Variants in INF2 observed in about 807,000 individuals in gnomAD.
INF2 encodes the protein inverted formin-2.
In INF2, 43 loss-of-function variants were observed where a neutral mutation model predicts 123.5. The observed-to-expected ratio is 0.35, with a 90% CI of 0.27 to 0.45. INF2 has a LOEUF of 0.45. Ranked by LOEUF, INF2 falls within the 20% of genes least tolerant of loss-of-function variation. The pLI is 1.00. For synonymous variants in INF2, 851 were observed against 745.0 expected (o/e 1.14, Z -2.32); for missense variants, 1,453 against 1,682.7 (o/e 0.86, Z 2.39).
intron 2 of INF2, 94 bp downstream of exon 2, chr14:104,701,850 C>T (rs1351680659): frequency 1.5e-6 from 2 of 1,351,182 alleles, no homozygotes; most frequent in Admixed American, 2.9e-5. Context: ...TGGGGAACCA[C>T]CAGGAGGAAG....
At chr14:104,693,712 C>T (rs908029546) in intron 1 of INF2, among the ~76,000 whole-genome samples, 5 of 152,222 alleles carry the variant, frequency 3.3e-5, no homozygotes, top group South Asian at 2.1e-4. Flanking sequence ...TCCTGGCCCT[C>T]GCCGGGTCGG....
At position 104,713,306 on chromosome 14, in the gene INF2, C is replaced by T. The variant is rs369417066; in HGVS notation, c.2875C>T (p.Pro959Ser). 65 of 1,550,644 alleles carry T rather than the reference C, an allele frequency of 4.2e-5. No individual in the cohort carries two copies. Among genetic ancestry groups the T allele is most frequent in the Non-Finnish European group, 5.7e-5 (65 of 1,147,642 alleles). ...ARRPRGEDGK[P>S]VRKGPGKQEE... ...GCGGCCTCGGGGAGAGGACGGGAAG[C>T]CTGGTGAGGCTGGGCCGGCTGGGCG... Residue 959 changes from proline (P) to serine (S), a missense_variant, in exon 19 of 23, where the codon CCT becomes TCT. This residue lies in a region of INF2 where 212 missense variants were observed against 266.2 expected (regional missense o/e 0.80). Coordinates refer to ENST00000392634, the MANE Select transcript of INF2 (RefSeq NM_022489.4).
At chr14:104,702,489 T>G (rs1419640221) in intron 2 of INF2, among the ~76,000 whole-genome samples, 1 of 151,378 alleles carries the variant, frequency 6.6e-6, no homozygotes, top group Non-Finnish European at 1.5e-5. Flanking sequence ...ACTCCATGGC[T>G]GCTGCCAGGT....
At chr14:104,689,030 G>A (rs894868054), upstream of INF2, among the ~76,000 whole-genome samples, 1 of 152,236 alleles carries the variant, frequency 6.6e-6, no homozygotes, top group Non-Finnish European at 1.5e-5. Context: ...TCCACCAACC[G>A]GCGAAGTGCG....
At chr14:104,711,547 A>C in intron 15 of INF2, 82 bp from the exon 16 acceptor site, 2 of 1,243,450 alleles carry the variant, frequency 1.6e-6, no homozygotes, top group Non-Finnish European at 2.4e-6. Flanking sequence ...GCTAAGGGTT[A>C]GAGCTGGGGG....
chr14:104,718,671 C>G (rs1294867690), intron 22 of INF2, 124 bp from the exon 23 acceptor site: 5 of 1,518,690 alleles, frequency 3.3e-6, no homozygotes, highest in Non-Finnish European at 3.6e-6. Flanking sequence ...ACCTGCGATG[C>G]ATGGCACAAC....
At chr14:104,716,731 C>T (rs1045306464) in intron 22 of INF2, among the ~76,000 whole-genome samples, 12 of 152,174 alleles carry the variant, frequency 7.9e-5, no homozygotes, top group Admixed American at 2.0e-4. Flanking sequence ...CACTCTGTTG[C>T]CCAGGCTGGA....
In INF2 at chr14:104,721,775, C is replaced by T. The variant is rs572888127; in HGVS notation, c.*2982C>T. The T allele has an allele frequency of 2.6e-5, 4 of 152,374 alleles. No individual in the cohort carries two copies. The South Asian group carries it at 6.2e-4, about 24-fold the overall frequency. 9.4% of individuals were successfully genotyped at this position (152,374 alleles called of 1,614,324 possible). On this transcript the variant is annotated 3_prime_UTR_variant, in exon 23 of 23. Coordinates refer to ENST00000392634, the MANE Select transcript of INF2 (RefSeq NM_022489.4). ...CCTGTGACAGGAGGAGCTGCCCTTC[C>T]TGGAGCCTGGTTTTTCTTTTTCCTC...
chr14:104,696,542 T>C (rs1889200907), intron 1 of INF2, among the ~76,000 whole-genome samples: 1 of 152,170 alleles, frequency 6.6e-6, no homozygotes, highest in South Asian at 2.1e-4. Context: ...AGGTGACACA[T>C]GCTGGAGGCT....
rs1268913996 is a variant in INF2 at position 104,721,374 on chromosome 14, G to T, written c.*2581G>T. On this transcript the variant is annotated 3_prime_UTR_variant, in exon 23 of 23. Transcript: ENST00000392634. The stretch of plus-strand genomic sequence containing the variant: ...CTGCTGTGGACGTCTGCGTAGTCTC[G>T]TGTGGATGCTGCTGTGGACGTCTGC... 6.8e-6 allele frequency: 1 copy of T among 147,584 alleles called. No individual in the cohort carries two copies. Among genetic ancestry groups the T allele is most frequent in the South Asian group, 1.8e-4 (1 of 5,484 alleles). The allele number at this position is 147,584 out of a possible 1,614,324, so 9.1% of individuals were successfully genotyped here.
chr14:104,714,791 C>T lies in INF2; in HGVS notation c.3629C>T (p.Ala1210Val). 1 of 1,597,204 alleles carries T rather than the reference C, an allele frequency of 6.3e-7. No individual in the cohort carries two copies. The highest frequency in any genetic ancestry group is 1.1e-5 in the South Asian group (1 of 89,082). ...TCGGGGTCGGGCACACTCCCCAGGGCCCGGGGCCGGGCCTCAAAGGGGACC... is the reference window on the plus strand; with the variant it reads ...TCGGGGTCGGGCACACTCCCCAGGGTCCGGGGCCGGGCCTCAAAGGGGACC... ...DSSGSGTLPR[A>V]RGRASKGTGK... is the part of the protein sequence containing the mutation. Residue 1210 changes from alanine (A) to valine (V), a missense_variant, in exon 21 of 23, where the codon GCC (alanine) becomes GTC (valine). Physicochemically the swap from Ala to Val is moderately conservative, Grantham distance 64. Coordinates refer to ENST00000392634, the MANE Select transcript of INF2 (RefSeq NM_022489.4).
At position 104,710,130 on chromosome 14, in the gene INF2, G is replaced by A. The variant is rs370830904; in HGVS notation, c.2181G>A (p.Ala727=). 185 of 1,553,182 alleles carry A rather than the reference G, an allele frequency of 1.2e-4. 2 individuals carry two copies. The highest frequency in any genetic ancestry group is 1.1e-3 in the African/African-American group (82 of 73,314). Residue 727 remains alanine, a synonymous_variant, in exon 13 of 23, where the codon GCG becomes GCA. Coordinates refer to ENST00000392634, the MANE Select transcript of INF2 (RefSeq NM_022489.4). ...RIECMLLCEG[A]AAVLDMVRPK... ...AGTGCATGCTGCTGTGTGAGGGCGC[G>A]GCCGCCGTGCTGGACATGGTGCGGC...
rs966293161 is a variant in INF2 at position 104,722,204 on chromosome 14, C to G, written c.*3411C>G. 6.6e-6 allele frequency: 1 copy of G among 152,248 alleles called. No homozygotes were observed. The highest frequency in any genetic ancestry group is 2.4e-5 in the African/African-American group (1 of 41,448). The allele number at this position is 152,248 out of a possible 1,614,324, so 9.4% of individuals were successfully genotyped here. Reference sequence around the variant, plus strand: ...CCCCAGCTGTTGGGCCTGGGCAGGACTGTTTTTAGAAAAGCCCCAACTCCC... The same window carrying G: ...CCCCAGCTGTTGGGCCTGGGCAGGAGTGTTTTTAGAAAAGCCCCAACTCCC... On this transcript the variant is annotated 3_prime_UTR_variant, in exon 23 of 23. Transcript: ENST00000392634.
Position 104,684,324 on chromosome 14 carries a change from G to A in INF2, c.-104+2742G>A. ...ACTGGCTTAGCCTGCTCAGTGAGGT[G>A]CCCGAAGGAGGCCCACCAGCTCTGC... On this transcript the variant is annotated intron_variant, in intron 1 of 2. Transcript: ENST00000674723. This position sits in a 1 kb window ranked among gnomAD's most constrained non-coding sequence, Gnocchi z 5.0. The A allele has an allele frequency of 6.1e-6, 2 of 327,094 alleles. No homozygotes were observed. Among genetic ancestry groups the A allele is most frequent in the Admixed American group, 4.2e-5 (1 of 24,058 alleles). The allele number at this position is 327,094 out of a possible 1,614,324, so 20.3% of individuals were successfully genotyped here.
intron 1 of INF2, among the ~76,000 whole-genome samples, chr14:104,691,641 G>T (rs1213505649): frequency 6.6e-6 from 1 of 152,198 alleles, no homozygotes; most frequent in Non-Finnish European, 1.5e-5. Context: ...CTGGAGGGTG[G>T]TCCCCAGGGG....
In INF2 at chr14:104,712,583, G is replaced by A. The variant is rs561302198; in HGVS notation, c.2610+30G>A. On this transcript the variant is annotated intron_variant, in intron 17 of 22. Coordinates refer to ENST00000392634, the MANE Select transcript of INF2 (RefSeq NM_022489.4). ...GTGGGCACCTGGGCCTGGGGCTGGC[G>A]GGAGAGGCTGCCCTGATAGAGTGAG... 9.9e-6 allele frequency: 16 copies of A among 1,612,310 alleles called. No homozygotes were observed. In the African/African-American group the frequency reaches 1.1e-4, roughly 11 times the overall value.
intron 6 of INF2, 73 bp downstream of exon 6, chr14:104,706,249 C>T: frequency 6.9e-7 from 1 of 1,454,374 alleles, no homozygotes; most frequent in Non-Finnish European, 9.3e-7. Context: ...GAGGCTGGGC[C>T]TGGAACGGTC....
intron 1 of INF2, among the ~76,000 whole-genome samples, chr14:104,693,975 C>T (rs1032232952): frequency 6.6e-6 from 1 of 152,212 alleles, no homozygotes; most frequent in Non-Finnish European, 1.5e-5. Flanking sequence ...GCCTCTGCTT[C>T]CACCTTGTGC....
chr14:104,703,666 T>C (rs7146454), intron 4 of INF2, among the ~76,000 whole-genome samples: 1 of 152,094 alleles, frequency 6.6e-6, no homozygotes, highest in Non-Finnish European at 1.5e-5. Context: ...ACCGTTCTCA[T>C]TTGTGAGACT....
Sources: gnomAD v4.1 joint callset for allele counts (sites outside exome capture counted in the v4.1 genomes callset) on GRCh38, gnomAD v4.1.1 for gene constraint, gnomAD v4.1.1 regional missense constraint, Gnocchi (gnomAD v3.1) non-coding constraint, MANE v1.5 for transcripts, NCBI Gene and HGNC (gene_info 2026-07-23, HGNC 2026-07-21) for gene names.